GCSH: variants seen among roughly 807,000 people sequenced by gnomAD.
GCSH encodes the protein glycine cleavage system H protein, mitochondrial.
Under a neutral mutation model 21.3 loss-of-function variants are expected in GCSH, and 15 were observed. The ratio of observed to expected loss-of-function variants is 0.70; its 90% confidence interval spans 0.47 to 1.08. The LOEUF (loss-of-function observed/expected upper bound fraction) is 1.08. GCSH is among the 50% of genes least tolerant of loss of function. The pLI is 0.00. For missense variants in GCSH, 179 were observed against 217.5 expected, an observed-to-expected ratio of 0.82 and a Z score of 1.11; for synonymous variants, 59 against 84.5, an observed-to-expected ratio of 0.70 and a Z score of 1.66.
intron 4 of GCSH, 179 bp from the exon 5 acceptor site, chr16:81,083,142 T>G (rs1972202809): frequency 3.2e-6 from 2 of 625,960 alleles, no homozygotes; most frequent in Admixed American, 5.6e-5. Flanking sequence ...ATATAACAAA[T>G]GAAAATAATT....
At chr16:81,094,855 G>A (rs1489142373) in intron 1 of GCSH, among the ~76,000 whole-genome samples, 2 of 152,188 alleles carry the variant, frequency 1.3e-5, no homozygotes, top group African/African-American at 4.8e-5. Context: ...TCAGCACTTT[G>A]GGAGGCTGAG....
chr16:81,092,244 T>C (rs1022693807), intron 1 of GCSH, among the ~76,000 whole-genome samples: 1 of 152,078 alleles, frequency 6.6e-6, no homozygotes, highest in Admixed American at 6.6e-5. Flanking sequence ...CGGCACCCTG[T>C]ACCACTATCC....
intron 3 of GCSH, among the ~76,000 whole-genome samples, chr16:81,087,063 C>A (rs1416738839): frequency 6.6e-6 from 1 of 152,010 alleles, no homozygotes; most frequent in Non-Finnish European, 1.5e-5. Context: ...TATTAATAGA[C>A]TTTTTTTCTC....
chr16:81,088,678 G>A (rs1037767564), intron 2 of GCSH, among the ~76,000 whole-genome samples: 6 of 152,160 alleles, frequency 3.9e-5, no homozygotes, highest in Non-Finnish European at 8.8e-5. Flanking sequence ...TAGGATTACA[G>A]GTGTGAGCCA....
intron 1 of GCSH, among the ~76,000 whole-genome samples, chr16:81,093,215 C>T (rs1423230599): frequency 6.6e-6 from 1 of 151,626 alleles, no homozygotes; most frequent in Non-Finnish European, 1.5e-5. Flanking sequence ...AGTTATTTGT[C>T]TTTAACACTT....
intron 2 of GCSH, among the ~76,000 whole-genome samples, chr16:81,089,434 G>C (rs1421012234): frequency 6.6e-6 from 1 of 151,242 alleles, no homozygotes; most frequent in Non-Finnish European, 1.5e-5. Flanking sequence ...TCTGTGTTTT[G>C]ATAGGCCAAG....
At chr16:81,088,945 T>C (rs562054867) in intron 2 of GCSH, among the ~76,000 whole-genome samples, 9 of 152,300 alleles carry the variant, frequency 5.9e-5, no homozygotes, top group Non-Finnish European at 1.0e-4. Context: ...CATTCTCATG[T>C]AGGTAATTCC....
chr16:81,096,041 G>T (rs8177848), intron 1 of GCSH, 90 bp downstream of exon 1: 4 of 1,095,428 alleles, frequency 3.7e-6, no homozygotes, highest in East Asian at 3.3e-5. Flanking sequence ...GCTCAGGAGC[G>T]GTGCCCCGGC....
At chr16:81,085,766 A>G (rs1972260417) in intron 3 of GCSH, among the ~76,000 whole-genome samples, 1 of 152,326 alleles carries the variant, frequency 6.6e-6, no homozygotes, top group African/African-American at 2.4e-5. Context: ...AGACTGAGGC[A>G]GGAGAATCAC....
intron 3 of GCSH, among the ~76,000 whole-genome samples, chr16:81,085,015 C>CTTT (rs34324394): frequency 0.013 from 1,388 of 106,734 alleles, 149 homozygotes; most frequent in African/African-American, 0.047. Context: ...GCACCTGGCT[C>CTTT]TTTTTTTTTT....
chr16:81,094,090 G>T (rs1972453580), intron 1 of GCSH, among the ~76,000 whole-genome samples: 1 of 151,958 alleles, frequency 6.6e-6, no homozygotes, highest in African/African-American at 2.4e-5. Flanking sequence ...GGTAGAGACA[G>T]GGTTTCACCA....
intron 2 of GCSH, among the ~76,000 whole-genome samples, chr16:81,090,089 T>C (rs993349021): frequency 6.6e-6 from 1 of 150,910 alleles, no homozygotes; most frequent in Non-Finnish European, 1.5e-5. Context: ...TCTTACTTTC[T>C]TTCTTTCTTT....
intron 2 of GCSH, among the ~76,000 whole-genome samples, chr16:81,088,575 A>C (rs966440420): frequency 3.3e-5 from 5 of 152,096 alleles, no homozygotes; most frequent in Middle Eastern, 3.4e-3. Flanking sequence ...ATTTTTTAAA[A>C]TTTTTTGCTA....
At chr16:81,085,124 C>T (rs557017073) in intron 3 of GCSH, among the ~76,000 whole-genome samples, 1 of 149,726 alleles carries the variant, frequency 6.7e-6, no homozygotes, top group South Asian at 2.1e-4. Flanking sequence ...AAGCCATTCT[C>T]CTGCCTCAGC....
intron 2 of GCSH, among the ~76,000 whole-genome samples, chr16:81,090,190 A>C (rs1470395100): frequency 1.3e-5 from 2 of 151,318 alleles, no homozygotes; most frequent in Non-Finnish European, 2.9e-5. Flanking sequence ...TCCCAGGTTC[A>C]AGTGATTCTT....
intron 3 of GCSH, 65 bp from the exon 4 acceptor site, chr16:81,084,659 T>TA (rs1972235399): frequency 5.8e-6 from 7 of 1,199,882 alleles, no homozygotes; most frequent in Non-Finnish European, 8.4e-6. Context: ...AAACATAAAA[T>TA]ACGAAAAAGT....
In GCSH at chr16:81,085,015, CTTTT is replaced by C. The variant is rs34324394; in HGVS notation, c.293-425_293-422del. On this transcript the variant is annotated intron_variant, in intron 3 of 4. Transcript: ENST00000315467. ...TAGGCATAAGCCACTGCACCTGGCT[CTTTT>C]TTTTTTTTTTTTTTGAGACGGAGTC... is the stretch of plus-strand genomic sequence containing the variant. 4.9e-4 allele frequency among the ~76,000 whole-genome samples: 52 copies of C among 106,814 alleles called. 1 individual carries two copies. The highest frequency in any genetic ancestry group is 7.3e-4 in the Non-Finnish European group (42 of 57,372). 70.1% of individuals were successfully genotyped at this position (106,814 alleles called of 152,430 possible).
intron 4 of GCSH, chr16:81,084,246 TG>T: frequency 1.6e-6 from 1 of 615,018 alleles, no homozygotes; most frequent in South Asian, 2.0e-5. Context: ...CCCAAAGTGC[TG>T]GGATCACAGG....
Position 81,096,164 on chromosome 16 carries a change from G to C in GCSH, c.115C>G (p.Arg39Gly). 2.3e-6 allele frequency: 3 copies of C among 1,316,742 alleles called. No individual in the cohort carries two copies. Among genetic ancestry groups the C allele is most frequent in the Non-Finnish European group, 2.9e-6 (3 of 1,039,190 alleles). 81.6% of individuals were successfully genotyped at this position (1,316,742 alleles called of 1,614,324 possible). Residue 39 changes from arginine (R) to glycine (G), a missense_variant, in exon 1 of 5, where the codon CGT becomes GGT. By Grantham distance (125) the Arg-to-Gly change is moderately radical. Transcript: ENST00000315467. ...AGAGCGGGTCCAGTGCGCAGCGTAC[G>C]GACGGCGCCCACCCCCAGCTGCCAG... ...RPWQLGVGAVRTLRTGPALLS... is the reference protein window; with the variant it reads ...RPWQLGVGAVGTLRTGPALLS...
Sources: gnomAD v4.1 joint callset for allele counts (sites outside exome capture counted in the v4.1 genomes callset) on GRCh38, gnomAD v4.1.1 for gene constraint, MANE v1.5 for transcripts, NCBI Gene and HGNC (gene_info 2026-07-23, HGNC 2026-07-21) for gene names.